ANKS6: variants seen among roughly 807,000 people sequenced by gnomAD.
The protein encoded by ANKS6 is ankyrin repeat and SAM domain-containing protein 6.
A neutral mutation model predicts 77.9 loss-of-function variants in ANKS6; 47 were observed. The observed-to-expected ratio is 0.60, with a 90% CI of 0.48 to 0.77. The LOEUF is 0.77. Ranked by LOEUF, ANKS6 falls within the 30% of genes least tolerant of loss-of-function variation. The pLI, the probability that ANKS6 is intolerant of heterozygous loss-of-function variation, is 0.00. For synonymous variants in ANKS6, 488 were observed against 501.7 expected (o/e 0.97, Z 0.37); for missense variants, 1,150 against 1,159.1 (o/e 0.99, Z 0.11).
rs1344478293 is a variant in ANKS6, at chr9:98,784,138, T to C, written c.927A>G (p.Lys309=). 1.3e-6 allele frequency: 2 copies of C among 1,539,500 alleles called. No homozygotes were observed. Among genetic ancestry groups the C allele is most frequent in the African/African-American group, 1.4e-5 (1 of 72,618 alleles). ...ALKMGNFQLV[K]EIADEDPSHV... ...GGCTGGGGTCTTCATCGGCAATCTC[T>C]TTGACCAGCTGGAAGTTTCCTGCAA... The change falls in exon 4 of 15, where the codon AAA becomes AAG. Residue 309 remains lysine (K), a synonymous_variant. Transcript: ENST00000353234.
In ANKS6 at chr9:98,732,377, TTC is replaced by T. The variant is rs1588300237; in HGVS notation, c.*4140_*4141del. Reference sequence around the variant, plus strand: ...TACGACTTGGTCAAACTATCTTTCTTTCTGTCTGCCATGCCAGGAAATCCAGT... The same window carrying T: ...TACGACTTGGTCAAACTATCTTTCTTTGTCTGCCATGCCAGGAAATCCAGT... On this transcript the variant is annotated 3_prime_UTR_variant, in exon 15 of 15. Transcript: ENST00000353234. The T allele has an allele frequency of 2.7e-6, 3 of 1,114,934 alleles. No homozygotes were observed. In the East Asian group the frequency reaches 7.8e-5, roughly 29 times the overall value. The allele number at this position is 1,114,934 out of a possible 1,614,324, so 69.1% of individuals were successfully genotyped here.
intron 8 of ANKS6, 135 bp from the exon 9 acceptor site, chr9:98,774,215 G>A (rs527609888): frequency 1.4e-6 from 1 of 693,540 alleles, no homozygotes; most frequent in Non-Finnish European, 2.1e-6. Flanking sequence ...GAGCTATGTG[G>A]CATCTACAGC....
intron 13 of ANKS6, among the ~76,000 whole-genome samples, chr9:98,750,067 G>A (rs1168868615): frequency 1.3e-5 from 2 of 152,136 alleles, no homozygotes; most frequent in Admixed American, 6.5e-5. Flanking sequence ...ATGATTTTTA[G>A]TATATTCACA....
chr9:98,780,240 G>A lies in ANKS6; in HGVS notation c.1317C>T (p.Val439=). 1 of 1,614,022 alleles carries A rather than the reference G, an allele frequency of 6.2e-7. No homozygotes were observed. The highest frequency in any genetic ancestry group is 8.5e-7 in the Non-Finnish European group (1 of 1,179,996). Residue 439 remains valine, a synonymous_variant, in exon 6 of 15, where the codon GTC becomes GTT. Coordinates refer to ENST00000353234, the MANE Select transcript of ANKS6 (RefSeq NM_173551.5). Reference sequence around the variant, plus strand: ...GCACTGGGATGCTCCAGGGCTGTCGGACCTTCGAGTGGGGCAGGGGAGGCT... The same window carrying A: ...GCACTGGGATGCTCCAGGGCTGTCGAACCTTCGAGTGGGGCAGGGGAGGCT... ...SHQPPLPHSK[V]RQPWSIPVLP...
intron 12 of ANKS6, among the ~76,000 whole-genome samples, chr9:98,751,942 G>A (rs781535440): frequency 3.3e-5 from 5 of 152,146 alleles, no homozygotes; most frequent in Admixed American, 6.6e-5. Context: ...TAATTAGCCA[G>A]GAGGTGTGAT....
At chr9:98,780,917 T>TC (rs1338987016) in intron 5 of ANKS6, among the ~76,000 whole-genome samples, 24 of 151,918 alleles carry the variant, frequency 1.6e-4, no homozygotes, top group African/African-American at 5.1e-4. Flanking sequence ...TTTTTTTTTT[T>TC]TGGAGACAGA....
intron 10 of ANKS6, 146 bp downstream of exon 10, chr9:98,770,750 G>T: frequency 1.1e-6 from 1 of 879,646 alleles, no homozygotes; most frequent in Non-Finnish European, 1.5e-6. Context: ...GGAATTCACT[G>T]AAAAATCTCT....
At chr9:98,776,802 T>C (rs1833946482) in intron 8 of ANKS6, among the ~76,000 whole-genome samples, 1 of 152,190 alleles carries the variant, frequency 6.6e-6, no homozygotes, top group South Asian at 2.1e-4. Context: ...GCCAGAGCTC[T>C]GGCAGCCATC....
intron 8 of ANKS6, among the ~76,000 whole-genome samples, chr9:98,774,539 A>G (rs1833822107): frequency 6.6e-6 from 1 of 152,144 alleles, no homozygotes; most frequent in African/African-American, 2.4e-5. Flanking sequence ...CCTGGAACCT[A>G]GAGGAGCAGG....
chr9:98,783,902 G>T, intron 4 of ANKS6, 51 bp downstream of exon 4: 3 of 1,446,672 alleles, frequency 2.1e-6, no homozygotes, highest in Non-Finnish European at 2.7e-6. Context: ...TCCATCTCAG[G>T]CCAGAGCATC....
chr9:98,739,334 A>G (rs532342199), intron 14 of ANKS6, among the ~76,000 whole-genome samples: 4 of 152,322 alleles, frequency 2.6e-5, no homozygotes, highest in Non-Finnish European at 5.9e-5. Context: ...TGGGCTGGGC[A>G]TGTGGCATGC....
chr9:98,754,381 C>T (rs1832585934), intron 12 of ANKS6, among the ~76,000 whole-genome samples: 1 of 152,150 alleles, frequency 6.6e-6, no homozygotes, highest in African/African-American at 2.4e-5. Flanking sequence ...GTGGCTCACA[C>T]CTGTAATCCA....
chr9:98,768,605 G>A (rs1833441274), intron 10 of ANKS6, among the ~76,000 whole-genome samples: 1 of 152,170 alleles, frequency 6.6e-6, no homozygotes, highest in South Asian at 2.1e-4. Context: ...CTGCAGAGCC[G>A]GCCAGCAGCT....
chr9:98,764,087 A>T (rs918786999), intron 11 of ANKS6, among the ~76,000 whole-genome samples: 15 of 152,198 alleles, frequency 9.9e-5, no homozygotes, highest in Non-Finnish European at 1.8e-4. Flanking sequence ...CTTCTAGAAA[A>T]CTAGAAGAGG....
chr9:98,738,275 C>G (rs761362018), intron 14 of ANKS6, among the ~76,000 whole-genome samples: 12 of 152,036 alleles, frequency 7.9e-5, no homozygotes, highest in Non-Finnish European at 1.3e-4. Flanking sequence ...GCAAAAGGAA[C>G]AGTCAGCAGA....
intron 6 of ANKS6, among the ~76,000 whole-genome samples, chr9:98,779,570 C>T (rs538785542): frequency 2.1e-4 from 32 of 152,248 alleles, no homozygotes; most frequent in African/African-American, 7.2e-4. Context: ...TATGGACCCA[C>T]ATTCCTTTTT....
intron 6 of ANKS6, among the ~76,000 whole-genome samples, 164 bp from the exon 7 acceptor site, chr9:98,778,588 T>C (rs1401599436): frequency 2.6e-5 from 4 of 152,154 alleles, no homozygotes; most frequent in Non-Finnish European, 4.4e-5. Flanking sequence ...CCATTCCCAA[T>C]AAGCCATGGT....
intron 11 of ANKS6, among the ~76,000 whole-genome samples, chr9:98,765,593 G>A (rs4743273): frequency 0.091 from 13,784 of 152,176 alleles, 847 homozygotes; most frequent in Non-Finnish European, 0.13. Context: ...AGATTAAACT[G>A]CTGACCCACA....
intron 1 of ANKS6, among the ~76,000 whole-genome samples, chr9:98,794,971 G>A (rs1835095668): frequency 6.6e-6 from 1 of 152,142 alleles, no homozygotes; most frequent in East Asian, 1.9e-4. Flanking sequence ...TACTGAGGAA[G>A]CCAGTCAGCA....
Sources: allele counts gnomAD v4.1 joint callset (sites outside exome capture counted in the v4.1 genomes callset), GRCh38; gene constraint gnomAD v4.1.1; transcripts MANE v1.5; gene names NCBI Gene and HGNC (gene_info 2026-07-23, HGNC 2026-07-21).